DBF4B: variants seen among roughly 807,000 people sequenced by gnomAD.
The protein encoded by DBF4B is protein DBF4 homolog B.
DBF4B carries 49 observed loss-of-function variants against 53.4 expected under a neutral mutation model. The ratio of observed to expected loss-of-function variants is 0.92; its 90% CI spans 0.73 to 1.16. DBF4B has a LOEUF of 1.16. Ranked by LOEUF, DBF4B falls within the 50% of genes most tolerant of loss-of-function variation. The pLI, the probability that DBF4B is intolerant of heterozygous loss-of-function variation, is 0.00. For synonymous variants in DBF4B, 257 were observed against 288.7 expected, an observed-to-expected ratio of 0.89 and a Z score of 1.11; for missense variants, 692 against 775.0, an observed-to-expected ratio of 0.89 and a Z score of 1.27.
intron 2 of DBF4B, among the ~76,000 whole-genome samples, chr17:44,721,659 G>C (rs549612448): frequency 6.6e-6 from 1 of 152,162 alleles, no homozygotes; most frequent in Non-Finnish European, 1.5e-5. Context: ...ATCTATACCA[G>C]ATAAAGTTTC....
At chr17:44,748,844 C>G (rs1214535023) in intron 13 of DBF4B, 1 of 1,292,132 alleles carries the variant, frequency 7.7e-7, no homozygotes, top group Non-Finnish European at 1.0e-6. Context: ...CTTCCCCTTA[C>G]AGGCCATGAG....
intron 6 of DBF4B, chr17:44,732,905 C>T (rs1425728405): frequency 6.7e-6 from 1 of 149,552 alleles, no homozygotes; most frequent in East Asian, 2.0e-4. Flanking sequence ...GTGGCTCACG[C>T]TTGTAATCCC....
At chr17:44,714,918 G>A (rs1973199806) in intron 2 of DBF4B, among the ~76,000 whole-genome samples, 1 of 151,926 alleles carries the variant, frequency 6.6e-6, no homozygotes, top group Admixed American at 6.6e-5. Context: ...CCATAGGAAG[G>A]CTTTTACATT....
chr17:44,740,745 CA>C (rs1174062848), intron 9 of DBF4B, among the ~76,000 whole-genome samples: 1 of 152,220 alleles, frequency 6.6e-6, no homozygotes, highest in African/African-American at 2.4e-5. Context: ...GAGCAAGTCA[CA>C]GAACCTCTTG....
At chr17:44,732,155 C>A (rs1568180771) in intron 5 of DBF4B, 23 bp from the exon 6 acceptor site, 1 of 1,613,184 alleles carries the variant, frequency 6.2e-7, no homozygotes. Context: ...CTGCTCCTAC[C>A]TGACTCTGTG....
chr17:44,741,168 TG>T, intron 9 of DBF4B, among the ~76,000 whole-genome samples, 167 bp from the exon 10 acceptor site: 1 of 151,750 alleles, frequency 6.6e-6, no homozygotes, highest in Non-Finnish European at 1.5e-5. Context: ...GGAGAACATA[TG>T]TATTAATTTA....
In DBF4B at chr17:44,733,325, A is replaced by G. The variant is rs73984062; in HGVS notation, c.557-765A>G. On this transcript the variant is annotated intron_variant, in intron 6 of 13. Coordinates refer to ENST00000315005, the MANE Select transcript of DBF4B (RefSeq NM_145663.3). ...TGTCCATGGTCTCACCAGAGTGTGTAGTGTGGCCCACCACTCTCAGTTTTA... is the reference window on the plus strand; with the variant it reads ...TGTCCATGGTCTCACCAGAGTGTGTGGTGTGGCCCACCACTCTCAGTTTTA... Among the ~76,000 whole-genome samples the G allele has an allele frequency of 4.5e-3, 690 of 152,338 alleles. 4 individuals are homozygous for G. The highest frequency in any genetic ancestry group is 0.016 in the African/African-American group (657 of 41,576).
Position 44,747,440 on chromosome 17 carries a change from A to G in DBF4B, c.989A>G (p.Tyr330Cys). Residue 330 changes from tyrosine (Y) to cysteine (C), a missense_variant, in exon 12 of 14, where the codon TAT becomes TGT. Physicochemically the swap from Tyr to Cys is radical, Grantham distance 194. This residue lies in a region of DBF4B where 597 missense variants were observed against 665.8 expected (regional missense o/e 0.90). Coordinates refer to ENST00000315005, the MANE Select transcript of DBF4B (RefSeq NM_145663.3). The part of the protein sequence containing the change: ...HRSFALEAHL[Y>C]AEVDRIIAQL... ...AGCTTTGCCCTGGAAGCCCATCTAT[A>G]TGCAGAAGTGGACAGGATCATTGCT... 6 of 1,614,090 alleles carry G rather than the reference A, an allele frequency of 3.7e-6. No individual in the cohort carries two copies. Among genetic ancestry groups the G allele is most frequent in the South Asian group, 1.1e-5 (1 of 91,086 alleles).
Position 44,751,943 on chromosome 17 carries a change from A to G in DBF4B, c.*690A>G. On this transcript the variant is annotated 3_prime_UTR_variant, in exon 14 of 14. Coordinates refer to ENST00000315005, the MANE Select transcript of DBF4B (RefSeq NM_145663.3). ...ATTCCCTCGTTCGTTCATTCAGCAC[A>G]GGCCTTGCCGTCTGCCCTGAGTCAG... The G allele has an allele frequency of 6.5e-7, 1 of 1,535,646 alleles. No homozygotes were observed. Among genetic ancestry groups the G allele is most frequent in the Non-Finnish European group, 8.7e-7 (1 of 1,146,756 alleles).
chr17:44,719,873 C>T (rs1377878824), intron 2 of DBF4B: 4 of 217,848 alleles, frequency 1.8e-5, no homozygotes, highest in African/African-American at 9.5e-5. Flanking sequence ...GAGTCCACAG[C>T]TTTCTGATAA....
At chr17:44,721,221 C>T in intron 2 of DBF4B, among the ~76,000 whole-genome samples, 1 of 126,318 alleles carries the variant, frequency 7.9e-6, no homozygotes, top group East Asian at 2.2e-4. Flanking sequence ...ATTCTTCCCC[C>T]CCCCTCCCCT....
chr17:44,749,134 C>T lies in DBF4B; in HGVS notation c.1189+669C>T. ...TACCAGTGTGCAGCCCTCGGGAGCA[C>T]CTGTAGAGAGCAGGTCTACCTCCCT... On this transcript the variant is annotated intron_variant, in intron 13 of 13. Transcript: ENST00000315005. This position sits in a 1 kb window ranked among gnomAD's most constrained non-coding sequence, Gnocchi z 4.4. 7.8e-7 allele frequency: 1 copy of T among 1,289,738 alleles called. No homozygotes were observed. Among genetic ancestry groups the T allele is most frequent in the Non-Finnish European group, 1.0e-6 (1 of 988,824 alleles). 79.9% of individuals were successfully genotyped at this position (1,289,738 alleles called of 1,614,324 possible).
intron 10 of DBF4B, among the ~76,000 whole-genome samples, chr17:44,742,034 G>A (rs937048896): frequency 1.1e-4 from 17 of 151,556 alleles, no homozygotes; most frequent in African/African-American, 3.9e-4. Context: ...ATCACATGAG[G>A]CCAGGAGTTT....
chr17:44,751,994 A>G lies in DBF4B; in HGVS notation c.*741A>G, dbSNP rs1235146486. ...CTCCGAGACACCTGAAGAGCCCTCCAGCCCTAACTACTTTACTCAGACTAG... is the reference window on the plus strand; with the variant it reads ...CTCCGAGACACCTGAAGAGCCCTCCGGCCCTAACTACTTTACTCAGACTAG... On this transcript the variant is annotated 3_prime_UTR_variant, in exon 14 of 14. Coordinates refer to ENST00000315005, the MANE Select transcript of DBF4B (RefSeq NM_145663.3). 1 of 1,535,430 alleles carries G rather than the reference A, an allele frequency of 6.5e-7. No individual in the cohort carries two copies. Among genetic ancestry groups the G allele is most frequent in the South Asian group, 1.2e-5 (1 of 84,012 alleles).
intron 10 of DBF4B, among the ~76,000 whole-genome samples, chr17:44,745,942 T>C (rs1976541158): frequency 6.6e-6 from 1 of 151,168 alleles, no homozygotes; most frequent in Non-Finnish European, 1.5e-5. Flanking sequence ...ATGTGGTGAC[T>C]CAGTCCTGTA....
At chr17:44,725,685 T>TTC (rs1974265734) in intron 3 of DBF4B, among the ~76,000 whole-genome samples, 1 of 65,130 alleles carries the variant, frequency 1.5e-5, no homozygotes, top group Admixed American at 1.2e-4. Flanking sequence ...TTTGTGCTTC[T>TTC]TTTTTTTTTT....
Position 44,741,429 on chromosome 17 carries a change from C to A in DBF4B, c.807C>A (p.Thr269=), listed in dbSNP as rs1231526023. The A allele has an allele frequency of 6.2e-7, 1 of 1,612,180 alleles. No individual in the cohort carries two copies. The highest frequency in any genetic ancestry group is 1.3e-5 in the African/African-American group (1 of 74,950). Residue 269 remains threonine, a synonymous_variant, in exon 10 of 14, where the codon ACC becomes ACA. Transcript: ENST00000315005. ...CAAGTCCCTTTGAGGCCCCGACGAC[C>A]CTGGGCAGCATGCACCATACCAGGT... ...KDASPFEAPT[T]LGSMHHTRES...
chr17:44,746,843 A>G (rs1027427247), intron 10 of DBF4B, among the ~76,000 whole-genome samples: 1 of 149,348 alleles, frequency 6.7e-6, no homozygotes, highest in African/African-American at 2.5e-5. Context: ...GAGAGAGAGG[A>G]CAGAGATAAG....
At chr17:44,717,323 C>T (rs2144790739) in intron 2 of DBF4B, among the ~76,000 whole-genome samples, 1 of 152,184 alleles carries the variant, frequency 6.6e-6, no homozygotes, top group African/African-American at 2.4e-5. Context: ...AATAATTTCA[C>T]AGTTATAAAA....
Sources: gnomAD v4.1 joint callset for allele counts (sites outside exome capture counted in the v4.1 genomes callset) on GRCh38, gnomAD v4.1.1 for gene constraint, gnomAD v4.1.1 regional missense constraint, Gnocchi (gnomAD v3.1) non-coding constraint, MANE v1.5 for transcripts, NCBI Gene and HGNC (gene_info 2026-07-23, HGNC 2026-07-21) for gene names.